The following SLC8A1 variants were observed in gnomAD, a reference collection of about 807,000 sequenced individuals.
SLC8A1 encodes solute carrier family 8 member A1, also known as sodium/calcium exchanger 1.
Under a neutral mutation model 68.3 loss-of-function variants are expected in SLC8A1, and 18 were observed. The ratio of observed to expected loss-of-function variants is 0.26; its 90% confidence interval spans 0.18 to 0.39. The LOEUF is 0.39. SLC8A1 is among the 10% of genes least tolerant of loss of function. The probability of loss-of-function intolerance (pLI) is 1.00; values close to 1 mark genes in which losing one functional copy is unlikely to be tolerated. For synonymous variants in SLC8A1, 475 were observed against 415.5 expected (o/e 1.14, Z -1.74); for missense variants, 985 against 1,156.7 (o/e 0.85, Z 2.15).
At chr2:40,337,407 T>C (rs1447780760) in intron 2 of SLC8A1, 3 of 279,564 alleles carry the variant, frequency 1.1e-5, no homozygotes, top group South Asian at 3.1e-5. Context: ...CTAAATTCTA[T>C]AAACTTTAAG....
intron 2 of SLC8A1, among the ~76,000 whole-genome samples, chr2:40,321,280 C>A (rs1214107961): frequency 6.6e-6 from 1 of 152,000 alleles, no homozygotes; most frequent in African/African-American, 2.4e-5. Context: ...TTTCTGAAAT[C>A]TCGGTGTATG....
chr2:40,118,079 T>C (rs1472157239), intron 7 of SLC8A1, among the ~76,000 whole-genome samples: 1 of 152,212 alleles, frequency 6.6e-6, no homozygotes, highest in African/African-American at 2.4e-5. Context: ...TGCTAGGCAC[T>C]ATGCTACACA....
chr2:40,364,090 A>G (rs1675345390), intron 2 of SLC8A1, among the ~76,000 whole-genome samples: 1 of 152,112 alleles, frequency 6.6e-6, no homozygotes, highest in African/African-American at 2.4e-5. Flanking sequence ...TTTTCTTTCA[A>G]TAGGATAGTA....
At chr2:40,107,629 A>G (rs2034298214) in exon 8 of SLC8A1, 1 of 152,206 alleles carries the variant, frequency 6.6e-6, no homozygotes, top group Non-Finnish European at 1.5e-5. Flanking sequence ...CTGAATTTGT[A>G]TCTTTAGCTA....
intron 2 of SLC8A1, among the ~76,000 whole-genome samples, chr2:40,307,048 C>A (rs2072761479): frequency 1.3e-5 from 2 of 151,930 alleles, no homozygotes; most frequent in South Asian, 4.2e-4. Context: ...ATTTGCTCAT[C>A]CATGTTCATA....
At chr2:40,348,668 C>T (rs1222459327) in intron 2 of SLC8A1, among the ~76,000 whole-genome samples, 2 of 152,046 alleles carry the variant, frequency 1.3e-5, no homozygotes, top group Non-Finnish European at 2.9e-5. Flanking sequence ...CCTCTGCACT[C>T]CGGGGTCTCA....
At chr2:40,450,217 A>T (rs150086974) in intron 1 of SLC8A1, among the ~76,000 whole-genome samples, 28 of 152,300 alleles carry the variant, frequency 1.8e-4, no homozygotes, top group Admixed American at 1.8e-3. Context: ...GATTTGAAAG[A>T]GGAACCTAAA....
At chr2:40,428,703 A>G (rs1697527593) in exon 2 of SLC8A1, 2 of 1,613,756 alleles carry the variant, frequency 1.2e-6, no homozygotes, top group Non-Finnish European at 1.7e-6. Flanking sequence ...TTACAGTGGC[A>G]GTGGAGGGAG....
chr2:40,324,303 G>A (rs1031067524), intron 2 of SLC8A1, among the ~76,000 whole-genome samples: 2 of 152,082 alleles, frequency 1.3e-5, no homozygotes, highest in Non-Finnish European at 1.5e-5. Flanking sequence ...GAGGGGAAAC[G>A]CTCACAAAAG....
chr2:40,194,934 T>G (rs566745958), intron 2 of SLC8A1, among the ~76,000 whole-genome samples: 3 of 151,900 alleles, frequency 2.0e-5, no homozygotes, highest in Non-Finnish European at 2.9e-5. Context: ...CCAGAAAATA[T>G]GGAAATCTAG....
At chr2:40,227,503 G>A (rs962710494) in intron 2 of SLC8A1, among the ~76,000 whole-genome samples, 2 of 152,020 alleles carry the variant, frequency 1.3e-5, no homozygotes, top group African/African-American at 4.8e-5. Flanking sequence ...ACTTACAAGT[G>A]GGAGCTAAAT....
chr2:40,184,368 G>A (rs2050221583), intron 2 of SLC8A1, among the ~76,000 whole-genome samples: 1 of 152,116 alleles, frequency 6.6e-6, no homozygotes, highest in African/African-American at 2.4e-5. Context: ...GTGGAAACAT[G>A]GGAAGATCAT....
intron 2 of SLC8A1, among the ~76,000 whole-genome samples, chr2:40,242,666 C>T (rs1344985774): frequency 6.6e-6 from 1 of 152,146 alleles, no homozygotes; most frequent in Non-Finnish European, 1.5e-5. Flanking sequence ...CATGGTATTG[C>T]CTTACCCATC....
intron 2 of SLC8A1, among the ~76,000 whole-genome samples, chr2:40,238,302 T>C (rs1574513808): frequency 6.6e-6 from 1 of 152,180 alleles, no homozygotes; most frequent in African/African-American, 2.4e-5. Flanking sequence ...GGATATAATC[T>C]CGTGGTGGGC....
chr2:40,290,974 G>A (rs566976427), intron 2 of SLC8A1, among the ~76,000 whole-genome samples: 29 of 152,246 alleles, frequency 1.9e-4, no homozygotes, highest in African/African-American at 7.0e-4. Flanking sequence ...TCCCATCAGT[G>A]GGCAAACTTT....
exon 8 of SLC8A1, chr2:40,099,964 G>C (rs901769102): frequency 2.0e-5 from 3 of 152,072 alleles, no homozygotes; most frequent in African/African-American, 7.2e-5. Flanking sequence ...TGTCCAGGAA[G>C]TTACCAATGT....
At chr2:40,409,884 G>C (rs1293842591) in intron 2 of SLC8A1, among the ~76,000 whole-genome samples, 1 of 152,064 alleles carries the variant, frequency 6.6e-6, no homozygotes, top group Non-Finnish European at 1.5e-5. Flanking sequence ...CAATTAATCT[G>C]AAAACTTATC....
chr2:40,253,883 G>GA (rs1285458541), intron 2 of SLC8A1, among the ~76,000 whole-genome samples: 2 of 140,034 alleles, frequency 1.4e-5, no homozygotes, highest in African/African-American at 2.7e-5. Context: ...AGGAGTGGGG[G>GA]ATAAAGAAAC....
intron 2 of SLC8A1, among the ~76,000 whole-genome samples, chr2:40,188,751 G>GTTTCTTAAAATGAATT (rs1434022377): frequency 8.5e-5 from 13 of 152,294 alleles, no homozygotes; most frequent in South Asian, 6.2e-4. Context: ...GCTTTCTTAA[G>GTTTCTTAAAATGAATT]TCTTAAAATT....
Sources: allele counts gnomAD v4.1 joint callset (sites outside exome capture counted in the v4.1 genomes callset), GRCh38; gene constraint gnomAD v4.1.1; transcripts MANE v1.5; gene names NCBI Gene and HGNC (gene_info 2026-07-23, HGNC 2026-07-21).